C7orf78: variants seen among roughly 807,000 people sequenced by gnomAD.
C7orf78 encodes putative uncharacterized protein C7orf78.
At chr7:12,485,948 C>T in the C7orf78 span, among the ~76,000 whole-genome samples, 5 of 152,048 alleles carry the variant, frequency 3.3e-5, no homozygotes, top group Non-Finnish European at 5.9e-5. Context: ...CACTAAATCA[C>T]GAAATCCTCT....
At chr7:12,484,062 T>C in the C7orf78 span, 3 of 152,228 alleles carry the variant, frequency 2.0e-5, no homozygotes, top group South Asian at 4.1e-4. Context: ...GTATATGGAA[T>C]GGATATTGAA....
the C7orf78 span, among the ~76,000 whole-genome samples, chr7:12,533,232 G>A: frequency 1.4e-4 from 21 of 152,172 alleles, no homozygotes; most frequent in African/African-American, 4.8e-4. Flanking sequence ...ATGCAGACTC[G>A]CTCTGTCACC....
At chr7:12,507,892 T>C in the C7orf78 span, among the ~76,000 whole-genome samples, 1 of 152,238 alleles carries the variant, frequency 6.6e-6, no homozygotes, top group African/African-American at 2.4e-5. Flanking sequence ...TATACAAATC[T>C]TTAATTTACC....
the C7orf78 span, among the ~76,000 whole-genome samples, chr7:12,497,663 G>A: frequency 6.6e-6 from 1 of 151,976 alleles, no homozygotes; most frequent in African/African-American, 2.4e-5. Flanking sequence ...GGGGAGGGGC[G>A]CCCACCATTG....
the C7orf78 span, among the ~76,000 whole-genome samples, chr7:12,484,341 G>C: frequency 6.6e-6 from 1 of 152,116 alleles, no homozygotes; most frequent in African/African-American, 2.4e-5. Context: ...ATTCATTTGT[G>C]TATATGCAGA....
the C7orf78 span, among the ~76,000 whole-genome samples, chr7:12,537,466 C>T: frequency 1.3e-5 from 2 of 152,224 alleles, no homozygotes; most frequent in East Asian, 3.9e-4. Flanking sequence ...ACAGCCAAAC[C>T]ATATCAATAG....
At chr7:12,533,806 A>G in the C7orf78 span, among the ~76,000 whole-genome samples, 124,543 of 152,080 alleles carry the variant, frequency 0.82, 51,160 homozygotes, top group East Asian at 0.92. Flanking sequence ...GTGAGCCACC[A>G]TACCTAGCCC....
the C7orf78 span, among the ~76,000 whole-genome samples, chr7:12,532,062 C>A: frequency 6.6e-6 from 1 of 152,158 alleles, no homozygotes. Flanking sequence ...ATCTTGTCTG[C>A]TCCTTACTGT....
At chr7:12,519,700 G>A in the C7orf78 span, among the ~76,000 whole-genome samples, 1 of 152,210 alleles carries the variant, frequency 6.6e-6, no homozygotes, top group Non-Finnish European at 1.5e-5. Context: ...TCCTTGGTGT[G>A]CTGCACCATT....
the C7orf78 span, chr7:12,525,705 T>A: frequency 2.6e-6 from 1 of 385,574 alleles, no homozygotes; most frequent in Non-Finnish European, 4.6e-6. Context: ...CACAACAAAA[T>A]CATCAAAATT....
At chr7:12,526,029 T>C in the C7orf78 span, 5,018 of 384,654 alleles carry the variant, frequency 0.013, 205 homozygotes, top group African/African-American at 0.091. Context: ...TACGGTAAAT[T>C]TTTTAATGTC....
chr7:12,526,435 T>A, the C7orf78 span, among the ~76,000 whole-genome samples: 1 of 152,148 alleles, frequency 6.6e-6, no homozygotes, highest in Non-Finnish European at 1.5e-5. Context: ...TTATTTAGCA[T>A]TTCTTATTTG....
chr7:12,522,065 A>G, the C7orf78 span, among the ~76,000 whole-genome samples: 1 of 152,098 alleles, frequency 6.6e-6, no homozygotes, highest in African/African-American at 2.4e-5. Flanking sequence ...CCTTTCATTC[A>G]TAGTAGTTTC....
the C7orf78 span, among the ~76,000 whole-genome samples, chr7:12,511,768 T>G: frequency 6.6e-6 from 1 of 152,036 alleles, no homozygotes; most frequent in Non-Finnish European, 1.5e-5. Flanking sequence ...TTTTTTGTTT[T>G]TAAGATGGAG....
At chr7:12,503,490 T>C in the C7orf78 span, among the ~76,000 whole-genome samples, 1 of 152,038 alleles carries the variant, frequency 6.6e-6, no homozygotes, top group Non-Finnish European at 1.5e-5. Context: ...TGGAGATATA[T>C]TTGGGGCAAG....
At chr7:12,517,887 A>T in the C7orf78 span, among the ~76,000 whole-genome samples, 2,698 of 151,928 alleles carry the variant, frequency 0.018, 73 homozygotes, top group African/African-American at 0.061. Context: ...ATTTTGTGAA[A>T]TTTTTTTGAT....
the C7orf78 span, among the ~76,000 whole-genome samples, chr7:12,499,847 A>G: frequency 6.7e-6 from 1 of 148,264 alleles, no homozygotes; most frequent in Non-Finnish European, 1.5e-5. Flanking sequence ...TCTCCTCAAC[A>G]AATGTAAAAG....
chr7:12,492,521 T>C, the C7orf78 span, among the ~76,000 whole-genome samples: 1 of 152,232 alleles, frequency 6.6e-6, no homozygotes, highest in Non-Finnish European at 1.5e-5. Context: ...GATTGGTAGA[T>C]CATAAGATGC....
chr7:12,487,334 A>G, the C7orf78 span, among the ~76,000 whole-genome samples: 1 of 152,014 alleles, frequency 6.6e-6, no homozygotes, highest in East Asian at 1.9e-4. Context: ...CATAGAGACA[A>G]CCTATTAGAA....
Sources: allele counts gnomAD v4.1 joint callset (sites outside exome capture counted in the v4.1 genomes callset), GRCh38; gene constraint gnomAD v4.1.1; transcripts MANE v1.5; gene names NCBI Gene and HGNC (gene_info 2026-07-23, HGNC 2026-07-21).